PPM1L: variants seen among roughly 807,000 people sequenced by gnomAD.
PPM1L encodes the protein protein phosphatase 1L.
In PPM1L, 13 loss-of-function variants were observed where a neutral mutation model predicts 31.4. That is an observed-to-expected ratio of 0.41 (90% CI 0.27 to 0.66). PPM1L has a LOEUF of 0.66. PPM1L is among the 30% of genes least tolerant of loss of function. The pLI is 0.29. For missense variants in PPM1L, 326 were observed against 453.7 expected (o/e 0.72, Z 2.56); for synonymous variants, 184 against 175.4 (o/e 1.05, Z -0.39).
intron 1 of PPM1L, among the ~76,000 whole-genome samples, chr3:160,875,564 A>AT (rs1712477879): frequency 6.6e-6 from 1 of 152,164 alleles, no homozygotes; most frequent in Non-Finnish European, 1.5e-5. Flanking sequence ...TAATAAGGGG[A>AT]TTTGGAGAGA....
intron 2 of PPM1L, among the ~76,000 whole-genome samples, chr3:161,001,263 AG>A (rs1717470656): frequency 6.6e-6 from 1 of 152,124 alleles, no homozygotes; most frequent in South Asian, 2.1e-4. Flanking sequence ...AAAATACCCA[AG>A]GAACTAAAAG....
chr3:161,044,992 T>C (rs1251312919), intron 2 of PPM1L, among the ~76,000 whole-genome samples: 1 of 152,012 alleles, frequency 6.6e-6, no homozygotes, highest in African/African-American at 2.4e-5. Context: ...ATAAAACAGA[T>C]TTTAAACCAA....
At chr3:161,019,702 A>G (rs1559926851) in intron 2 of PPM1L, among the ~76,000 whole-genome samples, 1 of 152,178 alleles carries the variant, frequency 6.6e-6, no homozygotes, top group East Asian at 1.9e-4. Flanking sequence ...CTGCTGCATC[A>G]TCAGTCAGTT....
intron 2 of PPM1L, among the ~76,000 whole-genome samples, chr3:160,993,598 C>G (rs75785627): frequency 0.022 from 3,382 of 152,144 alleles, 137 homozygotes; most frequent in African/African-American, 0.076. Flanking sequence ...CTTTATAGAA[C>G]TAGTTCATGG....
At chr3:161,022,657 C>CTTTTTTTTTTTT (rs71147399) in intron 2 of PPM1L, among the ~76,000 whole-genome samples, 2 of 93,716 alleles carry the variant, frequency 2.1e-5, no homozygotes, top group Non-Finnish European at 3.8e-5. Flanking sequence ...ATTTCTCCTT[C>CTTTTTTTTTTTT]TTTTTTTTTT....
At chr3:160,823,766 T>C (rs1713275115) in intron 1 of PPM1L, among the ~76,000 whole-genome samples, 1 of 152,122 alleles carries the variant, frequency 6.6e-6, no homozygotes, top group Non-Finnish European at 1.5e-5. Context: ...TTATGGATGA[T>C]GAAAGTGAGG....
intron 1 of PPM1L, among the ~76,000 whole-genome samples, chr3:160,858,001 C>A (rs184700058): frequency 6.6e-6 from 1 of 152,268 alleles, no homozygotes; most frequent in Admixed American, 6.5e-5. Context: ...TCCAGCTTTG[C>A]CTTTAAATTT....
intron 1 of PPM1L, among the ~76,000 whole-genome samples, chr3:160,945,129 C>G (rs62280308): frequency 2.9e-5 from 2 of 69,104 alleles, no homozygotes; most frequent in African/African-American, 1.2e-4. Context: ...ATCTATCTAT[C>G]TATCTATCTA....
chr3:161,024,209 G>A (rs1438151241), intron 2 of PPM1L, among the ~76,000 whole-genome samples: 1 of 147,766 alleles, frequency 6.8e-6, no homozygotes, highest in East Asian at 2.0e-4. Flanking sequence ...AGGTTGCAGT[G>A]AGCCAAGATT....
Position 160,970,794 on chromosome 3 carries a change from T to C in PPM1L, c.574+8884T>C, listed in dbSNP as rs1457282668. 5.2e-5 allele frequency among the ~76,000 whole-genome samples: 7 copies of C among 135,072 alleles called. 1 individual carries two copies. Among genetic ancestry groups the C allele is most frequent in the Non-Finnish European group, 9.6e-5 (6 of 62,616 alleles). 88.6% of individuals were successfully genotyped at this position (135,072 alleles called of 152,430 possible). On this transcript the variant is annotated intron_variant, in intron 2 of 3. Coordinates refer to ENST00000498165, the MANE Select transcript of PPM1L (RefSeq NM_139245.4). Reference sequence around the variant, plus strand: ...ATTTTAATTTCAGTTATAATTTTTTTTTTTTTTTTTTTTTTGAGACGGAGT... The same window carrying C: ...ATTTTAATTTCAGTTATAATTTTTTCTTTTTTTTTTTTTTTGAGACGGAGT...
intron 2 of PPM1L, chr3:161,035,833 G>A (rs776410399): frequency 6.6e-6 from 1 of 152,210 alleles, no homozygotes; most frequent in Non-Finnish European, 1.5e-5. Flanking sequence ...CTTTTTTGCA[G>A]TGCTTTTCAG....
rs181078701 is a variant in PPM1L, at chr3:161,035,384, G to A, written c.575-30019G>A. Among the ~76,000 whole-genome samples, 28 of 152,218 alleles carry A rather than the reference G, an allele frequency of 1.8e-4. 1 individual carries two copies. The highest frequency in any genetic ancestry group is 3.4e-3 in the Middle Eastern group (1 of 294). ...TGGTTTGTGTTGCACAGCGCCCCTCGGCCAAAGAGGAAAGAGCTAATTTTG... is the reference window on the plus strand; with the variant it reads ...TGGTTTGTGTTGCACAGCGCCCCTCAGCCAAAGAGGAAAGAGCTAATTTTG... On this transcript the variant is annotated intron_variant, in intron 2 of 3. Coordinates refer to ENST00000498165, the MANE Select transcript of PPM1L (RefSeq NM_139245.4).
At chr3:160,876,682 A>G (rs1015388706) in intron 1 of PPM1L, among the ~76,000 whole-genome samples, 15 of 152,204 alleles carry the variant, frequency 9.9e-5, no homozygotes, top group African/African-American at 2.4e-5. Context: ...GCACTCCCAT[A>G]TACTCTGCAT....
intron 1 of PPM1L, among the ~76,000 whole-genome samples, chr3:160,868,241 A>G (rs934970328): frequency 2.0e-5 from 3 of 152,214 alleles, no homozygotes; most frequent in African/African-American, 4.8e-5. Flanking sequence ...GACACCTAGT[A>G]TCTATCCCTC....
intron 2 of PPM1L, among the ~76,000 whole-genome samples, chr3:160,966,846 A>G (rs1419434228): frequency 1.5e-5 from 2 of 129,374 alleles, no homozygotes; most frequent in African/African-American, 5.8e-5. Flanking sequence ...GTGAGTTCAC[A>G]TTGTTGAACT....
At chr3:160,961,959 C>A in intron 2 of PPM1L, 49 bp downstream of exon 2, 7 of 1,412,256 alleles carry the variant, frequency 5.0e-6, no homozygotes, top group Non-Finnish European at 6.6e-6. Flanking sequence ...AAAAAAAATT[C>A]ATTATAAACC....
chr3:160,811,880 C>T (rs573089696), intron 1 of PPM1L, among the ~76,000 whole-genome samples: 3 of 152,286 alleles, frequency 2.0e-5, no homozygotes, highest in East Asian at 1.9e-4. Flanking sequence ...GCTGTAAAAA[C>T]GTTGCAACAG....
Position 161,077,149 on chromosome 3 carries a change from T to A in PPM1L, c.*7992T>A, listed in dbSNP as rs950944913. 2 of 152,250 alleles carry A rather than the reference T, an allele frequency of 1.3e-5. No homozygotes were observed. Among genetic ancestry groups the A allele is most frequent in the East Asian group, 1.9e-4 (1 of 5,206 alleles). The allele number at this position is 152,250 out of a possible 1,614,324, so 9.4% of individuals were successfully genotyped here. On this transcript the variant is annotated 3_prime_UTR_variant, in exon 4 of 4. Coordinates refer to ENST00000498165, the MANE Select transcript of PPM1L (RefSeq NM_139245.4). ...GGGATGAAAATTGTTATCTTCATGA[T>A]TTCTTCCAATGGGCTTAGATTTGTT...
rs925220875 is a variant in PPM1L at position 161,070,566 on chromosome 3, C to G, written c.*1409C>G. ...CTGTATCGCTAATTTATCATTTTTC[C>G]AACCTTGGTATTTTATATTATTTAG... On this transcript the variant is annotated 3_prime_UTR_variant, in exon 4 of 4. Transcript: ENST00000498165. The G allele has an allele frequency of 6.6e-6, 1 of 152,166 alleles. No individual in the cohort carries two copies. The highest frequency in any genetic ancestry group is 2.4e-5 in the African/African-American group (1 of 41,426). 9.4% of individuals were successfully genotyped at this position (152,166 alleles called of 1,614,324 possible).
Sources: gnomAD v4.1 joint callset for allele counts (sites outside exome capture counted in the v4.1 genomes callset) on GRCh38, gnomAD v4.1.1 for gene constraint, MANE v1.5 for transcripts, NCBI Gene and HGNC (gene_info 2026-07-23, HGNC 2026-07-21) for gene names.